Variants in TAF1B observed in about 807,000 individuals in gnomAD.
TAF1B encodes the protein TATA-box binding protein associated factor, RNA polymerase I subunit B.
In TAF1B, 61 loss-of-function variants were observed where a neutral mutation model predicts 83.9. That is an observed-to-expected ratio of 0.73 (90% CI 0.59 to 0.90). TAF1B has a LOEUF of 0.90. Among genes scored for constraint, TAF1B ranks in the 40% least tolerant of loss-of-function variants. The pLI is 0.00. For synonymous variants in TAF1B, 221 were observed against 224.6 expected (o/e 0.98, Z 0.14); for missense variants, 625 against 677.0 (o/e 0.92, Z 0.85).
chr2:9,910,216 A>G (rs1171276348), intron 9 of TAF1B, among the ~76,000 whole-genome samples: 1 of 152,232 alleles, frequency 6.6e-6, no homozygotes, highest in East Asian at 1.9e-4. Flanking sequence ...AAGCTTAAAT[A>G]TAGGTCCTAG....
At chr2:9,919,526 A>G (rs556602827) in intron 13 of TAF1B, 72 bp from the exon 14 acceptor site, 633 of 1,333,680 alleles carry the variant, frequency 4.7e-4, no homozygotes, top group Non-Finnish European at 4.9e-4. Context: ...CATTCCTATC[A>G]AGTAAATTCC....
intron 14 of TAF1B, among the ~76,000 whole-genome samples, chr2:9,920,628 A>C (rs1259449187): frequency 6.6e-6 from 1 of 151,954 alleles, no homozygotes; most frequent in African/African-American, 2.4e-5. Context: ...GTGATCACCC[A>C]GTCAAGGTGC....
At chr2:9,921,475 T>C (rs1665877769) in intron 14 of TAF1B, among the ~76,000 whole-genome samples, 2 of 152,220 alleles carry the variant, frequency 1.3e-5, no homozygotes, top group African/African-American at 2.4e-5. Flanking sequence ...TTCGTTTTTC[T>C]TTAATTGTAC....
intron 8 of TAF1B, among the ~76,000 whole-genome samples, chr2:9,899,783 T>A (rs989819498): frequency 7.9e-5 from 12 of 152,210 alleles, no homozygotes. Context: ...GCCATTAACA[T>A]TTGCTATTTT....
chr2:9,920,316 C>T (rs997696926), intron 14 of TAF1B, among the ~76,000 whole-genome samples: 1 of 152,144 alleles, frequency 6.6e-6, no homozygotes. Context: ...CCTTTTATAG[C>T]AGGATCAAGT....
At position 9,919,095 on chromosome 2, in the gene TAF1B, A is replaced by G. The variant is rs1665790440; in HGVS notation, c.1326A>G (p.Val442=). 8 of 1,614,184 alleles carry G rather than the reference A, an allele frequency of 5.0e-6. No individual in the cohort carries two copies. Among genetic ancestry groups the G allele is most frequent in the Middle Eastern group, 1.6e-4 (1 of 6,062 alleles). Residue 442 remains valine, a synonymous_variant, in exon 13 of 15, where the codon GTA becomes GTG. Transcript: ENST00000263663. ...PLYYSFVDKP[V]AYKKREMVVN... is the part of the protein sequence containing the mutation. ...ACTACTCATTTGTCGACAAACCAGT[A>G]GCATATAAAAAAAGAGGTAAGTCAA...
At chr2:9,846,276 A>G (rs1260685664) in intron 2 of TAF1B, 3 of 366,628 alleles carry the variant, frequency 8.2e-6, no homozygotes, top group Non-Finnish European at 1.6e-5. Flanking sequence ...ACCTTGGTAA[A>G]CGAGGCTACC....
chr2:9,893,178 C>G (rs1396319240), intron 8 of TAF1B, among the ~76,000 whole-genome samples: 2 of 152,026 alleles, frequency 1.3e-5, no homozygotes, highest in African/African-American at 4.8e-5. Context: ...ATCCTGTATC[C>G]AGAGTTAACT....
At chr2:9,888,242 A>G (rs1001968592) in intron 8 of TAF1B, among the ~76,000 whole-genome samples, 5 of 152,168 alleles carry the variant, frequency 3.3e-5, no homozygotes, top group Admixed American at 6.5e-5. Context: ...CCCTTACAAC[A>G]GAGTATTTCC....
intron 6 of TAF1B, 180 bp downstream of exon 6, chr2:9,868,609 AT>A: frequency 1.1e-6 from 1 of 945,624 alleles, no homozygotes; most frequent in Non-Finnish European, 1.7e-6. Context: ...TCTTAGCGCA[AT>A]TTTTTAAAAG....
At chr2:9,930,753 A>C (rs1462759926) in intron 14 of TAF1B, among the ~76,000 whole-genome samples, 1 of 152,206 alleles carries the variant, frequency 6.6e-6, no homozygotes, top group Non-Finnish European at 1.5e-5. Flanking sequence ...TAATCTGTCT[A>C]ATACTGACAG....
intron 4 of TAF1B, chr2:9,851,998 G>A (rs544879560): frequency 2.5e-4 from 120 of 479,894 alleles, no homozygotes; most frequent in Admixed American, 8.6e-4. Context: ...CACAATTTGA[G>A]AACAAAATCG....
At chr2:9,890,479 A>AT (rs199914048) in intron 8 of TAF1B, among the ~76,000 whole-genome samples, 23 of 152,194 alleles carry the variant, frequency 1.5e-4, no homozygotes, top group Admixed American at 1.0e-3. Context: ...TCATTCTTGG[A>AT]TTTTTTTAAA....
At chr2:9,910,662 G>A in intron 9 of TAF1B, 74 bp from the exon 10 acceptor site, 5 of 1,334,904 alleles carry the variant, frequency 3.7e-6, no homozygotes, top group Non-Finnish European at 5.1e-6. Flanking sequence ...TAAGATAAAG[G>A]TTATTTTATG....
At chr2:9,904,025 G>C (rs1025849764) in intron 8 of TAF1B, among the ~76,000 whole-genome samples, 1 of 152,176 alleles carries the variant, frequency 6.6e-6, no homozygotes, top group Non-Finnish European at 1.5e-5. Context: ...TTCAGTAAGT[G>C]CATATTAGTT....
chr2:9,877,160 G>T (rs900827525), intron 7 of TAF1B, among the ~76,000 whole-genome samples: 1 of 152,056 alleles, frequency 6.6e-6, no homozygotes, highest in Non-Finnish European at 1.5e-5. Context: ...TTTTCCCAAC[G>T]CTTTAATTAC....
chr2:9,877,404 C>G (rs1417790769), intron 7 of TAF1B, among the ~76,000 whole-genome samples: 1 of 152,090 alleles, frequency 6.6e-6, no homozygotes, highest in East Asian at 1.9e-4. Context: ...TATCCAGAAG[C>G]CTAGGAATCA....
intron 14 of TAF1B, among the ~76,000 whole-genome samples, chr2:9,928,403 T>C (rs1382101578): frequency 2.0e-5 from 3 of 152,220 alleles, no homozygotes; most frequent in Non-Finnish European, 4.4e-5. Context: ...AAGAAAGTCA[T>C]TGGTAGCTTG....
intron 14 of TAF1B, among the ~76,000 whole-genome samples, chr2:9,921,543 A>C (rs1028304703): frequency 1.3e-5 from 2 of 152,238 alleles, no homozygotes; most frequent in Admixed American, 1.3e-4. Context: ...TCATTATCCT[A>C]AGTCCTAGAT....
Sources: gnomAD v4.1 joint callset for allele counts (sites outside exome capture counted in the v4.1 genomes callset) on GRCh38, gnomAD v4.1.1 for gene constraint, MANE v1.5 for transcripts, NCBI Gene and HGNC (gene_info 2026-07-23, HGNC 2026-07-21) for gene names.